ANKRD27: variants seen among roughly 807,000 people sequenced by gnomAD.
ANKRD27 encodes the protein ankyrin repeat domain-containing protein 27.
In ANKRD27, 112 loss-of-function variants were observed where a neutral mutation model predicts 129.7. The observed-to-expected ratio is 0.86, with a 90% CI of 0.74 to 1.01. ANKRD27 has a LOEUF of 1.01. ANKRD27 is among the 50% of genes least tolerant of loss of function. The pLI is 0.00. For missense variants in ANKRD27, 1,258 were observed against 1,300.5 expected, an observed-to-expected ratio of 0.97 and a Z score of 0.50; for synonymous variants, 516 against 511.2, an observed-to-expected ratio of 1.01 and a Z score of -0.13.
chr19:32,644,440 G>C lies in ANKRD27; in HGVS notation c.410C>G (p.Thr137Ser), dbSNP rs1239783386. 2 of 1,613,884 alleles carry C rather than the reference G, an allele frequency of 1.2e-6. No homozygotes were observed. Among genetic ancestry groups the C allele is most frequent in the African/African-American group, 2.7e-5 (2 of 74,926 alleles). ...CAAGAACTCTCTCACATCTTCAATGGTTTTCAGGGAAAAGGGATCTGAGGG... is the reference window on the plus strand; with the variant it reads ...CAAGAACTCTCTCACATCTTCAATGCTTTTCAGGGAAAAGGGATCTGAGGG... ...LAPSDPFSLKTIEDVREFLGR... is the reference protein window; with the variant it reads ...LAPSDPFSLKSIEDVREFLGR... Residue 137 changes from threonine (T) to serine (S), a missense_variant, in exon 5 of 29, where the codon ACC (threonine) becomes AGC (serine). Coordinates refer to ENST00000306065, the MANE Select transcript of ANKRD27 (RefSeq NM_032139.3).
chr19:32,654,062 G>A (rs190184436), intron 2 of ANKRD27, among the ~76,000 whole-genome samples: 46 of 152,190 alleles, frequency 3.0e-4, no homozygotes, highest in African/African-American at 9.6e-4. Flanking sequence ...CACCACGCAC[G>A]GCTAATTTTT....
In ANKRD27 at chr19:32,646,555, C is replaced by A. The variant is rs980226067; in HGVS notation, c.274G>T (p.Val92Leu). ...AAAGTTTCTTCAAAGAGAATGGGCA[C>A]TGAGAGAAGACAGGCAAAACCAGCT... is the stretch of plus-strand genomic sequence containing the variant. Reference protein sequence around the residue: ...LGAGFACLLSVPILFEETFYN... With the variant: ...LGAGFACLLSLPILFEETFYN... Residue 92 changes from valine (V) to leucine (L), a missense_variant, in exon 4 of 29, where the codon GTG becomes TTG. Physicochemically the swap from Val to Leu is conservative, Grantham distance 32. Coordinates refer to ENST00000306065, the MANE Select transcript of ANKRD27 (RefSeq NM_032139.3). 6.2e-7 allele frequency: 1 copy of A among 1,614,140 alleles called. No homozygotes were observed. The highest frequency in any genetic ancestry group is 1.7e-5 in the Admixed American group (1 of 59,992).
intron 18 of ANKRD27, among the ~76,000 whole-genome samples, chr19:32,621,235 A>T (rs964325292): frequency 6.6e-6 from 1 of 152,224 alleles, no homozygotes; most frequent in Non-Finnish European, 1.5e-5. Flanking sequence ...TAATGCCAGC[A>T]CCCTGGGAGG....
chr19:32,641,489 A>G (rs731674), intron 10 of ANKRD27, among the ~76,000 whole-genome samples: 87,939 of 151,870 alleles, frequency 0.58, 25,554 homozygotes, highest in East Asian at 0.62. Flanking sequence ...ACAATACAAA[A>G]GAGCAAACTG....
intron 1 of ANKRD27, among the ~76,000 whole-genome samples, chr19:32,669,077 G>A (rs563849647): frequency 2.0e-5 from 3 of 152,206 alleles, no homozygotes; most frequent in South Asian, 4.1e-4. Flanking sequence ...CTCTCACAGC[G>A]CTGGGATTAC....
intron 22 of ANKRD27, 148 bp from the exon 23 acceptor site, chr19:32,607,980 AT>A: frequency 1.2e-6 from 1 of 815,160 alleles, no homozygotes; most frequent in Non-Finnish European, 1.9e-6. Flanking sequence ...GTTTAGAAGT[AT>A]GTGGCATGCC....
At chr19:32,614,774 A>T (rs1971888338) in intron 22 of ANKRD27, among the ~76,000 whole-genome samples, 2 of 152,174 alleles carry the variant, frequency 1.3e-5, no homozygotes, top group African/African-American at 4.8e-5. Flanking sequence ...GTGGATACAT[A>T]AACCTACACA....
At chr19:32,623,524 G>C (rs1320225202) in intron 17 of ANKRD27, among the ~76,000 whole-genome samples, 3 of 151,110 alleles carry the variant, frequency 2.0e-5, no homozygotes, top group Non-Finnish European at 4.4e-5. Flanking sequence ...AGCCCATCCT[G>C]TGTGGGTCCA....
At chr19:32,673,574 C>G (rs893398580) in intron 1 of ANKRD27, 4 of 453,464 alleles carry the variant, frequency 8.8e-6, no homozygotes, top group African/African-American at 8.5e-5. Flanking sequence ...AAAGCTTCCC[C>G]CGAAGGGAAA....
Position 32,643,170 on chromosome 19 carries a change from G to T in ANKRD27, c.735C>A (p.Ser245Arg), listed in dbSNP as rs1267622231. 3 of 1,614,016 alleles carry T rather than the reference G, an allele frequency of 1.9e-6. No individual in the cohort carries two copies. Among genetic ancestry groups the T allele is most frequent in the Middle Eastern group, 1.6e-4 (1 of 6,062 alleles). The change falls in exon 9 of 29, where the codon AGC becomes AGA. Residue 245 changes from serine (S) to arginine (R), a missense_variant. Ser to Arg is a moderately radical substitution (Grantham distance 110, BLOSUM62 -1). Transcript: ENST00000306065. The part of the protein sequence containing the change: ...EDAAFNKITR[S>R]LQDLQQKDIG... ...TATCTTTCTGCTGAAGATCTTGAAGGCTTCTTGTGATTTTGTTAAAGGCCG... is the reference window on the plus strand; with the variant it reads ...TATCTTTCTGCTGAAGATCTTGAAGTCTTCTTGTGATTTTGTTAAAGGCCG...
intron 12 of ANKRD27, chr19:32,639,074 T>C (rs564104686): frequency 9.3e-5 from 42 of 452,782 alleles, no homozygotes; most frequent in Non-Finnish European, 1.4e-4. Context: ...TCCCTACTTC[T>C]GGCTTCCCTT....
chr19:32,649,645 G>T (rs1967373205), intron 3 of ANKRD27, 37 bp downstream of exon 3: 2 of 1,412,038 alleles, frequency 1.4e-6, no homozygotes, highest in African/African-American at 1.4e-5. Flanking sequence ...CAAACACCGA[G>T]TAGGTGACCC....
At position 32,607,700 on chromosome 19, in the gene ANKRD27, C is replaced by T. The variant is rs1306229833; in HGVS notation, c.2308G>A (p.Ala770Thr). The T allele has an allele frequency of 3.7e-6, 6 of 1,612,852 alleles. No individual in the cohort carries two copies. Among genetic ancestry groups the T allele is most frequent in the South Asian group, 1.1e-5 (1 of 90,906 alleles). The change falls in exon 23 of 29, where the codon GCA (alanine) becomes ACA (threonine). Residue 770 changes from alanine (A) to threonine (T), a missense_variant. Physicochemically the swap from Ala to Thr is moderately conservative, Grantham distance 58. Coordinates refer to ENST00000306065, the MANE Select transcript of ANKRD27 (RefSeq NM_032139.3). ...GCTTGGTCTGCGTTCCTGGCACCTG[C>T]GTTGGCCCCGTGCTTCAGCAGGAGG... Reference protein sequence around the residue: ...IPLLLKHGANAGARNADQAVP... With the variant: ...IPLLLKHGANTGARNADQAVP...
At chr19:32,658,789 C>G (rs1967591865) in intron 2 of ANKRD27, 125 bp downstream of exon 2, 1 of 841,686 alleles carries the variant, frequency 1.2e-6, no homozygotes, top group African/African-American at 1.7e-5. Flanking sequence ...ACTCACAGAC[C>G]AAGCACACTG....
intron 1 of ANKRD27, among the ~76,000 whole-genome samples, chr19:32,661,158 G>A (rs1202677959): frequency 6.7e-6 from 1 of 148,868 alleles, no homozygotes; most frequent in Non-Finnish European, 1.5e-5. Flanking sequence ...CCATGATCAC[G>A]CCACTGCACT....
At position 32,602,175 on chromosome 19, in the gene ANKRD27, A is replaced by G. The variant is rs1387276013; in HGVS notation, c.2656-49T>C. 16 of 1,183,238 alleles carry G rather than the reference A, an allele frequency of 1.4e-5. No homozygotes were observed. The Admixed American group carries it at 2.7e-4, about 20-fold the overall frequency. The allele number at this position is 1,183,238 out of a possible 1,614,324, so 73.3% of individuals were successfully genotyped here. A position where few individuals can be genotyped will look rare whatever the true frequency, so the allele number is the denominator to read the frequency against. On this transcript the variant is annotated intron_variant, in intron 25 of 28. Coordinates refer to ENST00000306065, the MANE Select transcript of ANKRD27 (RefSeq NM_032139.3). ...ACAGTAATGTTTTTATTCTTTTTTA[A>G]TAGGTTATTATTTGTTTTTGATCTA... is the stretch of plus-strand genomic sequence containing the variant.
chr19:32,655,932 C>T lies in ANKRD27; in HGVS notation c.102+2982G>A, dbSNP rs142457484. 3.4e-3 allele frequency among the ~76,000 whole-genome samples: 520 copies of T among 151,508 alleles called. 13 individuals carry two copies. In the South Asian group the frequency reaches 0.061, roughly 18 times the overall value. ...ACTTGGTAGGCCGAAGCAGGAGAATCGCTTGAACCCAGGAGGCAGAGGTTG... is the reference window on the plus strand; with the variant it reads ...ACTTGGTAGGCCGAAGCAGGAGAATTGCTTGAACCCAGGAGGCAGAGGTTG... On this transcript the variant is annotated intron_variant, in intron 2 of 28. Coordinates refer to ENST00000306065, the MANE Select transcript of ANKRD27 (RefSeq NM_032139.3).
intron 28 of ANKRD27, among the ~76,000 whole-genome samples, chr19:32,599,384 A>G (rs1264622639): frequency 1.3e-5 from 2 of 152,150 alleles, no homozygotes; most frequent in Non-Finnish European, 2.9e-5. Context: ...CTATATACAA[A>G]CTGTCGTTTT....
chr19:32,610,483 T>TAAA (rs35230573), intron 22 of ANKRD27, among the ~76,000 whole-genome samples: 6 of 107,454 alleles, frequency 5.6e-5, no homozygotes, highest in Non-Finnish European at 9.2e-5. Context: ...AGACCGTCTC[T>TAAA]AAAAAAAAAA....
Sources: allele counts gnomAD v4.1 joint callset (sites outside exome capture counted in the v4.1 genomes callset), GRCh38; gene constraint gnomAD v4.1.1; transcripts MANE v1.5; gene names NCBI Gene and HGNC (gene_info 2026-07-23, HGNC 2026-07-21).